DAB1: variants seen among roughly 807,000 people sequenced by gnomAD.
DAB1 encodes the protein DAB adaptor protein 1.
A neutral mutation model predicts 64.6 loss-of-function variants in DAB1; 15 were observed. The ratio of observed to expected loss-of-function variants is 0.23; its 90% CI spans 0.16 to 0.36. The LOEUF is 0.36. Among genes scored for constraint, DAB1 ranks in the 10% least tolerant of loss-of-function variants. The pLI, the probability that DAB1 is intolerant of heterozygous loss-of-function variation, is 1.00. For missense variants in DAB1, 596 were observed against 706.7 expected, an observed-to-expected ratio of 0.84 and a Z score of 1.78; for synonymous variants, 235 against 251.9, an observed-to-expected ratio of 0.93 and a Z score of 0.64.
intron 1 of DAB1, among the ~76,000 whole-genome samples, chr1:57,357,965 G>A (rs180802190): frequency 5.9e-5 from 9 of 152,002 alleles, no homozygotes; most frequent in South Asian, 2.1e-4. Flanking sequence ...GTATTAGCAC[G>A]GAAAAACACT....
chr1:57,751,659 A>C (rs150209046), intron 6 of DAB1, among the ~76,000 whole-genome samples: 121 of 152,154 alleles, frequency 8.0e-4, no homozygotes, highest in African/African-American at 2.8e-3. Flanking sequence ...GAGAAGAAAA[A>C]CATGGGAGAG....
At chr1:58,042,838 T>C (rs1191891581) in intron 5 of DAB1, among the ~76,000 whole-genome samples, 2 of 152,134 alleles carry the variant, frequency 1.3e-5, no homozygotes, top group East Asian at 1.9e-4. Flanking sequence ...CAGACAGATA[T>C]TAAGTGAGGC....
chr1:58,028,613 T>G (rs1232224731), intron 5 of DAB1, among the ~76,000 whole-genome samples: 1 of 152,166 alleles, frequency 6.6e-6, no homozygotes. Context: ...GCAGAGAACA[T>G]CACTTTGTAC....
rs1009706469 is a variant in DAB1, at chr1:56,997,516, A to C, written c.*628T>G. ...GATTTCTTCACCCATATCTAAAAAA[A>C]GTCAAAAGCAATACAAAAATTTGTA... On this transcript the variant is annotated 3_prime_UTR_variant, in exon 15 of 15. Transcript: ENST00000371236. The C allele has an allele frequency of 4.7e-5, 7 of 150,412 alleles. No individual in the cohort carries two copies. Among genetic ancestry groups the C allele is most frequent in the African/African-American group, 1.7e-4 (7 of 40,560 alleles). The allele number at this position is 150,412 out of a possible 1,614,324, so 9.3% of individuals were successfully genotyped here.
At chr1:57,344,726 T>C (rs1677943124) in intron 1 of DAB1, among the ~76,000 whole-genome samples, 1 of 152,134 alleles carries the variant, frequency 6.6e-6, no homozygotes, top group Non-Finnish European at 1.5e-5. Flanking sequence ...CAGGAACAAC[T>C]GTGCCTCACT....
At chr1:57,917,282 T>C (rs1644740661) in intron 5 of DAB1, among the ~76,000 whole-genome samples, 1 of 151,904 alleles carries the variant, frequency 6.6e-6, no homozygotes, top group African/African-American at 2.4e-5. Context: ...TGTAGGGAGG[T>C]CTTGGCTTGA....
chr1:57,207,925 T>C (rs957065570), intron 2 of DAB1, among the ~76,000 whole-genome samples: 3 of 152,184 alleles, frequency 2.0e-5, no homozygotes, highest in Non-Finnish European at 2.9e-5. Context: ...AAAAAGTGTC[T>C]ATGAAGATCA....
chr1:57,935,886 T>G (rs1645017917), intron 5 of DAB1, among the ~76,000 whole-genome samples: 1 of 152,220 alleles, frequency 6.6e-6, no homozygotes, highest in Admixed American at 6.5e-5. Context: ...AGGAGGAAAC[T>G]TAAAGCAGAT....
intron 7 of DAB1, among the ~76,000 whole-genome samples, chr1:57,571,555 A>G (rs1302846805): frequency 6.6e-6 from 1 of 152,210 alleles, no homozygotes; most frequent in East Asian, 1.9e-4. Flanking sequence ...TGAGAGAGGT[A>G]CATTACATCC....
intron 5 of DAB1, among the ~76,000 whole-genome samples, chr1:58,003,611 T>C (rs1469183180): frequency 6.6e-6 from 1 of 152,208 alleles, no homozygotes; most frequent in African/African-American, 2.4e-5. Context: ...ACTTCAGTAT[T>C]CAGTCTGCCT....
At chr1:57,705,030 A>G (rs1397304356) in intron 6 of DAB1, among the ~76,000 whole-genome samples, 1 of 152,166 alleles carries the variant, frequency 6.6e-6, no homozygotes, top group Non-Finnish European at 1.5e-5. Context: ...GTGGCATAAT[A>G]AAAATAGTAC....
At chr1:57,886,163 CTTTTTTTTT>C (rs36101963), upstream of DAB1, among the ~76,000 whole-genome samples, 1 of 129,486 alleles carries the variant, frequency 7.7e-6, no homozygotes, top group Non-Finnish European at 1.6e-5. Flanking sequence ...GCCTACTATT[CTTTTTTTTT>C]TTTTTTTTTT....
chr1:57,793,115 A>C (rs1425297766), intron 6 of DAB1, among the ~76,000 whole-genome samples: 1 of 152,204 alleles, frequency 6.6e-6, no homozygotes, highest in Non-Finnish European at 1.5e-5. Context: ...GAATTCATTA[A>C]GCAATTTTAG....
chr1:57,997,513 C>T (rs1243436722), intron 5 of DAB1, among the ~76,000 whole-genome samples: 1 of 152,118 alleles, frequency 6.6e-6, no homozygotes, highest in Non-Finnish European at 1.5e-5. Context: ...GCCTTATAGC[C>T]CCTCAGTTGA....
chr1:57,995,649 C>T (rs1440478254), intron 5 of DAB1, among the ~76,000 whole-genome samples: 1 of 152,028 alleles, frequency 6.6e-6, no homozygotes, highest in African/African-American at 2.4e-5. Context: ...GTAATTTTCT[C>T]AACGTTAATG....
chr1:58,081,396 T>C (rs960258502), intron 5 of DAB1, among the ~76,000 whole-genome samples: 8 of 152,232 alleles, frequency 5.3e-5, no homozygotes, highest in Admixed American at 3.3e-4. Context: ...ATCTGTCATC[T>C]GGGGCTTCTT....
At chr1:57,416,953 C>T (rs75630280) in intron 1 of DAB1, among the ~76,000 whole-genome samples, 420 of 152,126 alleles carry the variant, frequency 2.8e-3, no homozygotes, top group Admixed American at 2.5e-3. Flanking sequence ...TTATAAATGT[C>T]CTTTATTTCA....
intron 1 of DAB1, among the ~76,000 whole-genome samples, chr1:57,882,888 A>G (rs75859989): frequency 1.7e-3 from 253 of 152,334 alleles, no homozygotes; most frequent in African/African-American, 5.8e-3. Context: ...ACCATGTAAG[A>G]CAAAGAAAGG....
At chr1:58,012,491 T>TA (rs59462839) in intron 5 of DAB1, among the ~76,000 whole-genome samples, 30 of 151,760 alleles carry the variant, frequency 2.0e-4, no homozygotes, top group Non-Finnish European at 3.5e-4. Context: ...GTATAATAAT[T>TA]AAAAAAAAAT....
Sources: gnomAD v4.1 joint callset for allele counts (sites outside exome capture counted in the v4.1 genomes callset) on GRCh38, gnomAD v4.1.1 for gene constraint, MANE v1.5 for transcripts, NCBI Gene and HGNC (gene_info 2026-07-23, HGNC 2026-07-21) for gene names.